Variants in USP24 observed in about 807,000 individuals in gnomAD.
USP24 encodes the protein ubiquitin specific peptidase 24.
A neutral mutation model predicts 361.6 loss-of-function variants in USP24; 97 were observed. The observed-to-expected ratio is 0.27, with a 90% CI of 0.23 to 0.32. The LOEUF is 0.32. USP24 is among the 10% of genes least tolerant of loss of function. USP24 has a pLI of 1.00. For synonymous variants in USP24, 1,098 were observed against 1,124.6 expected (o/e 0.98, Z 0.47); for missense variants, 2,353 against 3,165.6 (o/e 0.74, Z 6.16).
chr1:55,145,156 T>A (rs950814367), intron 20 of USP24, among the ~76,000 whole-genome samples: 2 of 152,162 alleles, frequency 1.3e-5, no homozygotes, highest in African/African-American at 4.8e-5. Flanking sequence ...GACTTCTAGA[T>A]ATACATCCAA....
rs1302797463 is a variant in USP24 at position 55,067,636 on chromosome 1, AG to A, written c.*1408del. On this transcript the variant is annotated 3_prime_UTR_variant, in exon 68 of 68. Coordinates refer to ENST00000294383, the MANE Select transcript of USP24 (RefSeq NM_015306.3). Reference sequence around the variant, plus strand: ...GCCACAGCAGCCAGACAGGCACTTCAGGGCTGGCTGCGCCTCTGTGACTTGG... The same window carrying A: ...GCCACAGCAGCCAGACAGGCACTTCAGGCTGGCTGCGCCTCTGTGACTTGG... The A allele has an allele frequency of 6.6e-6, 1 of 152,276 alleles. No individual in the cohort carries two copies. The highest frequency in any genetic ancestry group is 2.4e-5 in the African/African-American group (1 of 41,462). 9.4% of individuals were successfully genotyped at this position (152,276 alleles called of 1,614,324 possible). A position where few individuals can be genotyped will look rare whatever the true frequency, so the allele number is the denominator to read the frequency against.
intron 38 of USP24, among the ~76,000 whole-genome samples, chr1:55,115,495 C>CAAAAAAAAAAAAAAAA (rs1165658382): frequency 4.4e-5 from 2 of 45,842 alleles, no homozygotes; most frequent in African/African-American, 1.4e-4. Context: ...GACTCCGCCT[C>CAAAAAAAAAAAAAAAA]AAAAAAAAAA....
At chr1:55,134,878 C>T (rs944263930) in intron 28 of USP24, among the ~76,000 whole-genome samples, 6 of 152,108 alleles carry the variant, frequency 3.9e-5, no homozygotes, top group African/African-American at 1.4e-4. Context: ...ATGTTTTTTT[C>T]CCAAAGATCA....
rs555445875 is a variant in USP24, at chr1:55,106,130, C to T, written c.4880+16G>A. 115 of 1,587,614 alleles carry T rather than the reference C, an allele frequency of 7.2e-5. No individual in the cohort carries two copies. The Admixed American group carries it at 1.8e-3, about 25-fold the overall frequency. On this transcript the variant is annotated intron_variant, in intron 41 of 67. Coordinates refer to ENST00000294383, the MANE Select transcript of USP24 (RefSeq NM_015306.3). ...GAATTTTTACCAAAACTGAACACAA[C>T]GTGCATTTTCCATACTTTGGATGAA... is the stretch of plus-strand genomic sequence containing the variant.
At chr1:55,094,589 G>C (rs964231264) in intron 51 of USP24, among the ~76,000 whole-genome samples, 12 of 150,710 alleles carry the variant, frequency 8.0e-5, no homozygotes, top group African/African-American at 2.9e-4. Context: ...TATATTAAAA[G>C]GCAAATTCAC....
intron 3 of USP24, among the ~76,000 whole-genome samples, chr1:55,173,101 T>A (rs1570607392): frequency 6.6e-6 from 1 of 152,184 alleles, no homozygotes; most frequent in East Asian, 1.9e-4. Flanking sequence ...AACATACATA[T>A]CCTTTTAATA....
At chr1:55,099,729 T>C (rs1557556798) in intron 45 of USP24, 42 bp downstream of exon 45, 2 of 1,375,650 alleles carry the variant, frequency 1.5e-6, no homozygotes, top group African/African-American at 1.4e-5. Flanking sequence ...ATACTATAAT[T>C]AGAGTTTGAG....
At chr1:55,102,340 G>A (rs757050527) in intron 42 of USP24, among the ~76,000 whole-genome samples, 1 of 152,044 alleles carries the variant, frequency 6.6e-6, no homozygotes, top group Non-Finnish European at 1.5e-5. Flanking sequence ...AAATAACATA[G>A]ACCCCAGTAC....
At chr1:55,078,503 C>A in intron 61 of USP24, 35 bp downstream of exon 61, 1 of 1,543,624 alleles carries the variant, frequency 6.5e-7, no homozygotes. Context: ...CACTTAAAGG[C>A]TATCTGGCTA....
intron 60 of USP24, 71 bp downstream of exon 60, chr1:55,079,465 CAT>C: frequency 6.5e-7 from 1 of 1,529,438 alleles, no homozygotes; most frequent in Admixed American, 2.4e-5. Flanking sequence ...TCATGCCAAA[CAT>C]AACTCGTAAC....
intron 34 of USP24, 67 bp from the exon 35 acceptor site, chr1:55,124,695 T>C (rs1646376864): frequency 6.4e-7 from 1 of 1,550,930 alleles, no homozygotes; most frequent in South Asian, 1.2e-5. Context: ...ATGTACAACC[T>C]TCTTACAGGT....
In USP24 at chr1:55,097,900, A is replaced by G. The variant is rs546533079; in HGVS notation, c.5595+43T>C. 8 of 1,562,818 alleles carry G rather than the reference A, an allele frequency of 5.1e-6. No homozygotes were observed. In the South Asian group the frequency reaches 8.6e-5, roughly 17 times the overall value. The stretch of plus-strand genomic sequence containing the variant: ...CATAAAACAAAGACGCACTATGCGA[A>G]TAACAAATTAATCTTGTTTTTTAAA... On this transcript the variant is annotated intron_variant, in intron 47 of 67. Transcript: ENST00000294383.
chr1:55,098,437 G>A, intron 46 of USP24, 39 bp downstream of exon 46: 4 of 1,546,914 alleles, frequency 2.6e-6, no homozygotes, highest in Non-Finnish European at 3.6e-6. Context: ...ACTTCAAAAG[G>A]ATGATCATTT....
intron 20 of USP24, among the ~76,000 whole-genome samples, chr1:55,145,062 A>G (rs1427183159): frequency 1.3e-5 from 2 of 152,238 alleles, no homozygotes; most frequent in African/African-American, 4.8e-5. Flanking sequence ...GAACCCTCAT[A>G]TATTGCTGGT....
At chr1:55,093,003 G>T in intron 52 of USP24, 87 bp from the exon 53 acceptor site, 1 of 808,742 alleles carries the variant, frequency 1.2e-6, no homozygotes, top group Non-Finnish European at 1.8e-6. Flanking sequence ...TAAAAATATA[G>T]GTAAAAAGCA....
Position 55,075,449 on chromosome 1 carries a change from A to G in USP24, c.7447+8T>C. On this transcript the variant is annotated splice_region_variant and intron_variant, in intron 63 of 67. Coordinates refer to ENST00000294383, the MANE Select transcript of USP24 (RefSeq NM_015306.3). ...TAGACATTTGTGCATAAGACCAGGC[A>G]TACTTGCCTAGTAATCCATTTTCTG... is the stretch of plus-strand genomic sequence containing the variant. 1.3e-6 allele frequency: 2 copies of G among 1,597,568 alleles called. No homozygotes were observed. The highest frequency in any genetic ancestry group is 1.7e-6 in the Non-Finnish European group (2 of 1,171,488).
At chr1:55,195,459 T>C (rs1266912968) in intron 1 of USP24, among the ~76,000 whole-genome samples, 1 of 152,240 alleles carries the variant, frequency 6.6e-6, no homozygotes, top group African/African-American at 2.4e-5. Flanking sequence ...CCAGAGGCTA[T>C]GAATACATCT....
intron 17 of USP24, 100 bp downstream of exon 17, chr1:55,148,362 AC>A: frequency 1.4e-6 from 1 of 694,990 alleles, no homozygotes; most frequent in South Asian, 2.1e-5. Flanking sequence ...ACATCAATAA[AC>A]ATAAAGATAG....
At chr1:55,133,734 T>C (rs1192068869) in intron 30 of USP24, among the ~76,000 whole-genome samples, 1 of 151,504 alleles carries the variant, frequency 6.6e-6, no homozygotes, top group Non-Finnish European at 1.5e-5. Flanking sequence ...CCTCTTGGGT[T>C]CAAGCTATCC....
Sources: gnomAD v4.1 joint callset for allele counts (sites outside exome capture counted in the v4.1 genomes callset) on GRCh38, gnomAD v4.1.1 for gene constraint, MANE v1.5 for transcripts, NCBI Gene and HGNC (gene_info 2026-07-23, HGNC 2026-07-21) for gene names.